The following MYOM1 variants were observed in gnomAD, a reference collection of about 807,000 sequenced individuals.
MYOM1 encodes the protein myomesin-1.
MYOM1 carries 164 observed loss-of-function variants against 205.3 expected under a neutral mutation model. That is an observed-to-expected ratio of 0.80 (90% CI 0.70 to 0.91). MYOM1 has a LOEUF of 0.91. MYOM1 is among the 40% of genes least tolerant of loss of function. MYOM1 has a pLI of 0.00. For missense variants in MYOM1, 2,011 were observed against 2,127.3 expected (o/e 0.95, Z 1.08); for synonymous variants, 772 against 789.4 (o/e 0.98, Z 0.37).
intron 1 of MYOM1, among the ~76,000 whole-genome samples, chr18:3,216,042 C>T (rs914740736): frequency 3.3e-5 from 5 of 152,076 alleles, no homozygotes; most frequent in Non-Finnish European, 7.4e-5. Context: ...CCGAGGCAGG[C>T]GGATCACTTG....
At chr18:3,082,465 T>G (rs1284755146) in intron 33 of MYOM1, among the ~76,000 whole-genome samples, 3 of 152,154 alleles carry the variant, frequency 2.0e-5, no homozygotes, top group Non-Finnish European at 2.9e-5. Flanking sequence ...AATTCACATA[T>G]GTAAAGGGCT....
chr18:3,103,289 T>C (rs2079406245), intron 22 of MYOM1, among the ~76,000 whole-genome samples: 1 of 152,208 alleles, frequency 6.6e-6, no homozygotes, highest in African/African-American at 2.4e-5. Flanking sequence ...AACTGAGAAA[T>C]GACTATTATT....
chr18:3,163,919 C>G (rs897872110), intron 10 of MYOM1, among the ~76,000 whole-genome samples: 2 of 151,676 alleles, frequency 1.3e-5, no homozygotes, highest in African/African-American at 4.8e-5. Flanking sequence ...GTGGTGCAAT[C>G]ACAGCTCACT....
At chr18:3,124,477 CG>C (rs2079748314) in intron 19 of MYOM1, among the ~76,000 whole-genome samples, 1 of 150,056 alleles carries the variant, frequency 6.7e-6, no homozygotes, top group Admixed American at 6.6e-5. Flanking sequence ...GCTGAGTGCC[CG>C]CCACCACGCC....
intron 8 of MYOM1, among the ~76,000 whole-genome samples, chr18:3,170,240 A>G (rs2080537276): frequency 1.3e-5 from 2 of 152,162 alleles, no homozygotes; most frequent in South Asian, 4.1e-4. Flanking sequence ...TTAATAATTT[A>G]TTGCATATTT....
intron 2 of MYOM1, among the ~76,000 whole-genome samples, chr18:3,196,228 G>A (rs540675277): frequency 6.6e-6 from 1 of 152,252 alleles, no homozygotes; most frequent in Admixed American, 6.5e-5. Context: ...ATTATCTTAA[G>A]AAAAACCATC....
At chr18:3,139,067 C>A (rs1345123855) in intron 14 of MYOM1, among the ~76,000 whole-genome samples, 1 of 152,082 alleles carries the variant, frequency 6.6e-6, no homozygotes, top group African/African-American at 2.4e-5. Context: ...ATAGCTTGAG[C>A]CCAGGAGTTC....
intron 29 of MYOM1, among the ~76,000 whole-genome samples, chr18:3,087,193 G>A (rs1033851304): frequency 1.3e-5 from 2 of 152,196 alleles, no homozygotes; most frequent in African/African-American, 4.8e-5. Context: ...GCACTCCGCA[G>A]CTTTGGGCTT....
At chr18:3,192,371 T>C (rs1368427781) in intron 3 of MYOM1, among the ~76,000 whole-genome samples, 1 of 152,168 alleles carries the variant, frequency 6.6e-6, no homozygotes, top group Non-Finnish European at 1.5e-5. Flanking sequence ...AGCAAAGATA[T>C]CAAATAAAAA....
chr18:3,189,166 C>A lies in MYOM1; in HGVS notation c.432-79G>T, dbSNP rs2080870197. 24 of 1,351,952 alleles carry A rather than the reference C, an allele frequency of 1.8e-5. No homozygotes were observed. The South Asian group carries it at 3.1e-4, about 18-fold the overall frequency. The allele number at this position is 1,351,952 out of a possible 1,614,324, so 83.7% of individuals were successfully genotyped here. ...GAGTAATTTTACTAAGTTCAAAGTACCACATCTCAGACACTGTATCCTGCA... is the reference window on the plus strand; with the variant it reads ...GAGTAATTTTACTAAGTTCAAAGTAACACATCTCAGACACTGTATCCTGCA... On this transcript the variant is annotated intron_variant, in intron 3 of 37. Transcript: ENST00000356443. This position sits in a 1 kb window ranked among gnomAD's most constrained non-coding sequence, Gnocchi z 4.8.
At chr18:3,237,468 G>A in the MYOM1 span, among the ~76,000 whole-genome samples, 9 of 151,588 alleles carry the variant, frequency 5.9e-5, no homozygotes, top group South Asian at 2.1e-4. Context: ...GCGTGGTGGC[G>A]GGCACCTGGA....
intron 25 of MYOM1, among the ~76,000 whole-genome samples, chr18:3,098,234 T>C (rs969646957): frequency 6.6e-6 from 1 of 152,180 alleles, no homozygotes; most frequent in African/African-American, 2.4e-5. Context: ...GATTCATCAA[T>C]ACCATATTTA....
chr18:3,094,148 G>A (rs767161280), intron 26 of MYOM1, 22 bp downstream of exon 26: 1 of 1,612,056 alleles, frequency 6.2e-7, no homozygotes, highest in Non-Finnish European at 8.5e-7. Flanking sequence ...ACATTAAAAA[G>A]TCTAAACAGT....
intron 2 of MYOM1, among the ~76,000 whole-genome samples, chr18:3,201,460 A>G (rs1057497874): frequency 6.6e-6 from 1 of 152,118 alleles, no homozygotes; most frequent in African/African-American, 2.4e-5. Flanking sequence ...CCACACGAAA[A>G]GATGGAGAAC....
At chr18:3,103,298 T>C (rs2079406380) in intron 22 of MYOM1, among the ~76,000 whole-genome samples, 1 of 152,216 alleles carries the variant, frequency 6.6e-6, no homozygotes, top group Non-Finnish European at 1.5e-5. Context: ...ATGACTATTA[T>C]TGAACTGCAT....
the MYOM1 span, among the ~76,000 whole-genome samples, chr18:3,227,193 T>C: frequency 6.6e-6 from 1 of 151,564 alleles, no homozygotes; most frequent in African/African-American, 2.4e-5. Flanking sequence ...TTTTTTTAAC[T>C]TTCTTGTTTG....
chr18:3,100,289 C>A, intron 24 of MYOM1, 31 bp downstream of exon 24: 1 of 1,611,548 alleles, frequency 6.2e-7, no homozygotes, highest in Non-Finnish European at 8.5e-7. Flanking sequence ...AAGCAACATT[C>A]GATGTGTGAA....
At chr18:3,181,826 C>T (rs2080736637) in intron 5 of MYOM1, among the ~76,000 whole-genome samples, 1 of 151,486 alleles carries the variant, frequency 6.6e-6, no homozygotes, top group African/African-American at 2.4e-5. Context: ...TTCCACCTCC[C>T]AGATTCAAGC....
In MYOM1 at chr18:3,135,740, G is replaced by C; in HGVS notation, c.2026-10C>G. On this transcript the variant is annotated splice_polypyrimidine_tract_variant and intron_variant, in intron 14 of 37. Coordinates refer to ENST00000356443, the MANE Select transcript of MYOM1 (RefSeq NM_003803.4). This position sits in a 1 kb window ranked among gnomAD's most constrained non-coding sequence, Gnocchi z 4.1. Reference sequence around the variant, plus strand: ...CTGTTCCTGCCTCACACTGCAGCAAGAACAGGGAAACCCATTGAAAGCACA... The same window carrying C: ...CTGTTCCTGCCTCACACTGCAGCAACAACAGGGAAACCCATTGAAAGCACA... The C allele has an allele frequency of 6.2e-7, 1 of 1,613,586 alleles. No homozygotes were observed. The highest frequency in any genetic ancestry group is 8.5e-7 in the Non-Finnish European group (1 of 1,179,766).
Sources: allele counts gnomAD v4.1 joint callset (sites outside exome capture counted in the v4.1 genomes callset), GRCh38; gene constraint gnomAD v4.1.1; non-coding constraint Gnocchi (gnomAD v3.1); transcripts MANE v1.5; gene names NCBI Gene and HGNC (gene_info 2026-07-23, HGNC 2026-07-21).